The following CALHM5 variants were observed in gnomAD, a reference collection of about 807,000 sequenced individuals.
The protein encoded by CALHM5 is calcium homeostasis modulator family member 5, also known as calcium homeostasis modulator protein 5.
Under a neutral mutation model 20.9 loss-of-function variants are expected in CALHM5, and 17 were observed. The ratio of observed to expected loss-of-function variants is 0.82; its 90% CI spans 0.56 to 1.22. CALHM5 has a LOEUF of 1.22. Ranked by LOEUF, CALHM5 falls within the 50% of genes most tolerant of loss-of-function variation. The pLI is 0.00. For missense variants in CALHM5, 360 were observed against 364.6 expected, an observed-to-expected ratio of 0.99 and a Z score of 0.10; for synonymous variants, 148 against 140.0, an observed-to-expected ratio of 1.06 and a Z score of -0.40.
At chr6:116,515,538 T>C in intron 1 of CALHM5, 62 bp from the exon 2 acceptor site, 4 of 1,505,838 alleles carry the variant, frequency 2.7e-6, no homozygotes, top group Non-Finnish European at 3.6e-6. Context: ...TTCTCAATAA[T>C]ACCCCAGCTC....
chr6:116,514,335 C>G (rs9384982), intron 1 of CALHM5, among the ~76,000 whole-genome samples: 58,192 of 151,764 alleles, frequency 0.38, 12,678 homozygotes, highest in East Asian at 0.54. Flanking sequence ...GAAGGAGGAA[C>G]ATATAAGGTA....
At position 116,518,713 on chromosome 6, in the gene CALHM5, C is replaced by G. The variant is rs564286075; in HGVS notation, c.*2724C>G. The G allele has an allele frequency of 2.3e-4, 35 of 152,314 alleles. No homozygotes were observed. The highest frequency in any genetic ancestry group is 7.5e-4 in the African/African-American group (31 of 41,580). 9.4% of individuals were successfully genotyped at this position (152,314 alleles called of 1,614,324 possible). A position where few individuals can be genotyped will look rare whatever the true frequency, so the allele number is the denominator to read the frequency against. ...ACAGAAGTAGGTTAGCTGTAAGGAG[C>G]TGAGGATTGAGGAGTCATATCTGGG... is the stretch of plus-strand genomic sequence containing the variant. On this transcript the variant is annotated 3_prime_UTR_variant, in exon 2 of 2. Transcript: ENST00000368599.
chr6:116,523,983 A>G lies in CALHM5; in HGVS notation c.*7994A>G, dbSNP rs1562343612. On this transcript the variant is annotated 3_prime_UTR_variant, in exon 2 of 2. Transcript: ENST00000368599. Reference sequence around the variant, plus strand: ...GTTTCCAACAACCAACTGTAACAAGATATCTTTGAGATATTTAGGAAAATA... The same window carrying G: ...GTTTCCAACAACCAACTGTAACAAGGTATCTTTGAGATATTTAGGAAAATA... 6.6e-6 allele frequency: 1 copy of G among 152,224 alleles called. No individual in the cohort carries two copies. The highest frequency in any genetic ancestry group is 1.5e-5 in the Non-Finnish European group (1 of 68,034). 9.4% of individuals were successfully genotyped at this position (152,224 alleles called of 1,614,324 possible).
intron 1 of CALHM5, among the ~76,000 whole-genome samples, chr6:116,514,178 C>A (rs1562339842): frequency 6.6e-6 from 1 of 151,990 alleles, no homozygotes; most frequent in African/African-American, 2.4e-5. Flanking sequence ...GGGAAAGCAT[C>A]GGTCAATGCA....
rs1772248428 is a variant in CALHM5, at chr6:116,517,366, A to C, written c.*1377A>C. On this transcript the variant is annotated 3_prime_UTR_variant, in exon 2 of 2. Transcript: ENST00000368599. ...ATGCAAATCTTGCATTCTACAATGT[A>C]CTATATCCATGTTAGTATGTACATA... 1 of 152,180 alleles carries C rather than the reference A, an allele frequency of 6.6e-6. No individual in the cohort carries two copies. Among genetic ancestry groups the C allele is most frequent in the South Asian group, 2.1e-4 (1 of 4,832 alleles). 9.4% of individuals were successfully genotyped at this position (152,180 alleles called of 1,614,324 possible). A position where few individuals can be genotyped will look rare whatever the true frequency, so the allele number is the denominator to read the frequency against.
At chr6:116,514,274 A>C (rs1263248299) in intron 1 of CALHM5, among the ~76,000 whole-genome samples, 1 of 152,172 alleles carries the variant, frequency 6.6e-6, no homozygotes, top group Non-Finnish European at 1.5e-5. Context: ...CTGAGATGAG[A>C]TGGCGTACAG....
In CALHM5 at chr6:116,516,878, C is replaced by T. The variant is rs886501119; in HGVS notation, c.*889C>T. On this transcript the variant is annotated 3_prime_UTR_variant, in exon 2 of 2. Coordinates refer to ENST00000368599, the MANE Select transcript of CALHM5 (RefSeq NM_153711.5). ...TCCTTAGGCACAGTGCTTACTAGGC[C>T]GTGGGTATGTCTTAGTGCGTTTGGG... 6.6e-6 allele frequency: 1 copy of T among 151,786 alleles called. No individual in the cohort carries two copies. The highest frequency in any genetic ancestry group is 1.5e-5 in the Non-Finnish European group (1 of 67,968). The allele number at this position is 151,786 out of a possible 1,614,324, so 9.4% of individuals were successfully genotyped here.
Position 116,519,548 on chromosome 6 carries a change from T to G in CALHM5, c.*3559T>G, listed in dbSNP as rs1014441011. 6.6e-6 allele frequency: 1 copy of G among 152,204 alleles called. No individual in the cohort carries two copies. The highest frequency in any genetic ancestry group is 6.5e-5 in the Admixed American group (1 of 15,274). 9.4% of individuals were successfully genotyped at this position (152,204 alleles called of 1,614,324 possible). A position where few individuals can be genotyped will look rare whatever the true frequency, so the allele number is the denominator to read the frequency against. On this transcript the variant is annotated 3_prime_UTR_variant, in exon 2 of 2. Transcript: ENST00000368599. ...GGCACCCAATGGTCATACTAATGTTTGCCATAACAGTCTCTTCTAGGTCTA... is the reference window on the plus strand; with the variant it reads ...GGCACCCAATGGTCATACTAATGTTGGCCATAACAGTCTCTTCTAGGTCTA...
At chr6:116,513,878 G>A (rs1772172524) in intron 1 of CALHM5, among the ~76,000 whole-genome samples, 1 of 152,180 alleles carries the variant, frequency 6.6e-6, no homozygotes, top group Non-Finnish European at 1.5e-5. Context: ...GGGTTTGTAT[G>A]CTGATGCTAC....
Position 116,520,190 on chromosome 6 carries a change from T to G in CALHM5, c.*4201T>G, listed in dbSNP as rs921852754. ...TTTCAAAGCCTGATGATCCACTGAT[T>G]TACTCTAAAAACTGGTTAAAGCAAT... On this transcript the variant is annotated 3_prime_UTR_variant, in exon 2 of 2. Transcript: ENST00000368599. 1.3e-5 allele frequency: 2 copies of G among 152,160 alleles called. No homozygotes were observed. Among genetic ancestry groups the G allele is most frequent in the Non-Finnish European group, 2.9e-5 (2 of 68,028 alleles). The allele number at this position is 152,160 out of a possible 1,614,324, so 9.4% of individuals were successfully genotyped here. A position where few individuals can be genotyped will look rare whatever the true frequency, so the allele number is the denominator to read the frequency against.
chr6:116,519,798 G>A lies in CALHM5; in HGVS notation c.*3809G>A, dbSNP rs1772296443. The A allele has an allele frequency of 6.6e-6, 1 of 152,180 alleles. No homozygotes were observed. Among genetic ancestry groups the A allele is most frequent in the Non-Finnish European group, 1.5e-5 (1 of 68,028 alleles). 9.4% of individuals were successfully genotyped at this position (152,180 alleles called of 1,614,324 possible). On this transcript the variant is annotated 3_prime_UTR_variant, in exon 2 of 2. Coordinates refer to ENST00000368599, the MANE Select transcript of CALHM5 (RefSeq NM_153711.5). ...TTTCATGGCACAAAATGCTGATTCT[G>A]TCCAATTTATCCCATGAATAAATTG...
rs1423756894 is a variant in CALHM5 at position 116,515,625 on chromosome 6, C to T, written c.566C>T (p.Ser189Leu). The T allele has an allele frequency of 6.2e-7, 1 of 1,612,428 alleles. No homozygotes were observed. The highest frequency in any genetic ancestry group is 8.5e-7 in the Non-Finnish European group (1 of 1,179,362). Residue 189 changes from serine to leucine, a missense_variant, in exon 2 of 2, where the codon TCA becomes TTA. Transcript: ENST00000368599. ...ATTCTAGGATGGTGCCTGATTTGTT[C>T]AGCGTCTTTCTTCTCTCTGCTCACC... ...SQILGWCLIC[S>L]ASFFSLLTTC...
Position 116,523,877 on chromosome 6 carries a change from T to A in CALHM5, c.*7888T>A, listed in dbSNP as rs1304983045. On this transcript the variant is annotated 3_prime_UTR_variant, in exon 2 of 2. Transcript: ENST00000368599. ...CAGATGACTCAGTCTCCCCACAGAT[T>A]AACAGTATTAAGAAAGGAGAATAAA... 1 of 152,142 alleles carries A rather than the reference T, an allele frequency of 6.6e-6. No homozygotes were observed. Among genetic ancestry groups the A allele is most frequent in the African/African-American group, 2.4e-5 (1 of 41,432 alleles). 9.4% of individuals were successfully genotyped at this position (152,142 alleles called of 1,614,324 possible). A position where few individuals can be genotyped will look rare whatever the true frequency, so the allele number is the denominator to read the frequency against.
rs1469110600 is a variant in CALHM5, at chr6:116,522,517, T to A, written c.*6528T>A. On this transcript the variant is annotated 3_prime_UTR_variant, in exon 2 of 2. Transcript: ENST00000368599. ...TGTTTTCTTTTTCTTTAGGTTCCAG[T>A]TAGCAGTATAGCATCTACAGCATGA... 2 of 152,204 alleles carry A rather than the reference T, an allele frequency of 1.3e-5. No homozygotes were observed. Among genetic ancestry groups the A allele is most frequent in the African/African-American group, 2.4e-5 (1 of 41,446 alleles). The allele number at this position is 152,204 out of a possible 1,614,324, so 9.4% of individuals were successfully genotyped here.
chr6:116,512,150 G>T lies in CALHM5; in HGVS notation c.454G>T (p.Glu152Ter). ...CKGKPKECWE[E>*]LHKVSCGKTS... ...GGGTAAGCCCAAAGAGTGCTGGGAA[G>T]AACTTCACAAAGTATCTTGTGGCAA... The change falls in exon 1 of 2, where the codon GAA becomes TAA. Residue 152 changes from glutamate (E) to a stop codon, truncating the protein, a stop_gained. Transcript: ENST00000368599. LOFTEE classifies it high-confidence loss of function. 6.2e-7 allele frequency: 1 copy of T among 1,613,424 alleles called. No homozygotes were observed. Among genetic ancestry groups the T allele is most frequent in the Middle Eastern group, 1.7e-4 (1 of 6,060 alleles).
At position 116,512,428 on chromosome 6, in the gene CALHM5, C is replaced by G. The variant is rs1182038358; in HGVS notation, c.540+192C>G. 6.8e-6 allele frequency: 4 copies of G among 591,462 alleles called. No homozygotes were observed. In the African/African-American group the frequency reaches 7.4e-5, roughly 11 times the overall value. The allele number at this position is 591,462 out of a possible 1,614,324, so 36.6% of individuals were successfully genotyped here. A position where few individuals can be genotyped will look rare whatever the true frequency, so the allele number is the denominator to read the frequency against. On this transcript the variant is annotated intron_variant, in intron 1 of 1. Coordinates refer to ENST00000368599, the MANE Select transcript of CALHM5 (RefSeq NM_153711.5). ...CTGGGTGGCTCAATAAAGTTGCTGACTGGATTATCTCTTTTCCGGTTCTGA... is the reference window on the plus strand; with the variant it reads ...CTGGGTGGCTCAATAAAGTTGCTGAGTGGATTATCTCTTTTCCGGTTCTGA...
At position 116,518,455 on chromosome 6, in the gene CALHM5, G is replaced by A. The variant is rs572818675; in HGVS notation, c.*2466G>A. 2.6e-5 allele frequency: 4 copies of A among 152,530 alleles called. No individual in the cohort carries two copies. The highest frequency in any genetic ancestry group is 2.6e-4 in the Admixed American group (4 of 15,288). 9.4% of individuals were successfully genotyped at this position (152,530 alleles called of 1,614,324 possible). On this transcript the variant is annotated 3_prime_UTR_variant, in exon 2 of 2. Transcript: ENST00000368599. The stretch of plus-strand genomic sequence containing the variant: ...ATCTTTGGGAACTTGGAGGTGCAGG[G>A]TCAGACGTCTGTGTGTGTATGTGGC...
At position 116,516,046 on chromosome 6, in the gene CALHM5, CTAACG is replaced by C; in HGVS notation, c.*60_*64del. ...GTGGCATGCTCATTCTGTGATCCTC[CTAACG>C]TATCACCAGCAACCTGTGTGTCTCT... On this transcript the variant is annotated 3_prime_UTR_variant, in exon 2 of 2. Coordinates refer to ENST00000368599, the MANE Select transcript of CALHM5 (RefSeq NM_153711.5). 6.6e-7 allele frequency: 1 copy of C among 1,510,234 alleles called. No individual in the cohort carries two copies. Among genetic ancestry groups the C allele is most frequent in the Non-Finnish European group, 8.9e-7 (1 of 1,127,904 alleles). The allele number at this position is 1,510,234 out of a possible 1,614,324, so 93.6% of individuals were successfully genotyped here.
rs1772236253 is a variant in CALHM5 at position 116,516,714 on chromosome 6, C to CAT, written c.*726_*727insTA. On this transcript the variant is annotated 3_prime_UTR_variant, in exon 2 of 2. Transcript: ENST00000368599. ...ATATATATATATATATATATACACA[C>CAT]ACACAGAAATATATATTTATAACTG... The CAT allele has an allele frequency of 2.4e-5, 3 of 122,808 alleles. No homozygotes were observed. The South Asian group carries it at 7.6e-4, about 31-fold the overall frequency. The allele number at this position is 122,808 out of a possible 1,614,324, so 7.6% of individuals were successfully genotyped here. A position where few individuals can be genotyped will look rare whatever the true frequency, so the allele number is the denominator to read the frequency against.
Sources: gnomAD v4.1 joint callset for allele counts (sites outside exome capture counted in the v4.1 genomes callset) on GRCh38, gnomAD v4.1.1 for gene constraint, MANE v1.5 for transcripts, NCBI Gene and HGNC (gene_info 2026-07-23, HGNC 2026-07-21) for gene names.